Variants in GLYR1 observed in about 807,000 individuals in gnomAD.
The protein encoded by GLYR1 is cytokine-like nuclear factor N-PAC.
A neutral mutation model predicts 72.7 loss-of-function variants in GLYR1; 21 were observed. That is an observed-to-expected ratio of 0.29 (90% CI 0.20 to 0.42). The LOEUF is 0.42. GLYR1 is among the 10% of genes least tolerant of loss of function. The pLI is 1.00. For missense variants in GLYR1, 594 were observed against 712.1 expected (o/e 0.83, Z 1.89); for synonymous variants, 392 against 270.2 (o/e 1.45, Z -4.42).
At chr16:4,810,743 C>T (rs530399048) in intron 15 of GLYR1, among the ~76,000 whole-genome samples, 2 of 126,638 alleles carry the variant, frequency 1.6e-5, no homozygotes, top group South Asian at 5.1e-4. Context: ...ATTAGCCGGG[C>T]GTGGTGGCAA....
At chr16:4,814,026 A>C (rs1484833306) in intron 11 of GLYR1, 188 bp from the exon 12 acceptor site, 3 of 496,354 alleles carry the variant, frequency 6.0e-6, no homozygotes, top group Non-Finnish European at 1.1e-5. Context: ...ATTTATCTTT[A>C]AAAAGAATCT....
chr16:4,823,011 C>G, intron 6 of GLYR1, 80 bp from the exon 7 acceptor site: 1 of 1,151,442 alleles, frequency 8.7e-7, no homozygotes, highest in Non-Finnish European at 1.3e-6. Context: ...CTGGACTCTC[C>G]TCTGGCTGCA....
chr16:4,814,076 A>C (rs565638155), intron 11 of GLYR1: 5,550 of 393,782 alleles, frequency 0.014, 53 homozygotes, highest in African/African-American at 0.021. Flanking sequence ...AAAAAAAAAA[A>C]AAACAAACCC....
chr16:4,807,180 C>CAGA (rs1352166045), intron 15 of GLYR1, among the ~76,000 whole-genome samples: 1 of 147,448 alleles, frequency 6.8e-6, no homozygotes, highest in East Asian at 2.0e-4. Context: ...GGCACGATCT[C>CAGA]GGCTCACTGC....
chr16:4,819,553 C>G (rs2083879839), intron 9 of GLYR1, among the ~76,000 whole-genome samples: 1 of 152,140 alleles, frequency 6.6e-6, no homozygotes, highest in Admixed American at 6.5e-5. Context: ...TCAAGGGATC[C>G]TTCTGCTTTG....
At chr16:4,838,016 G>T (rs1277619700) in intron 3 of GLYR1, among the ~76,000 whole-genome samples, 1 of 152,204 alleles carries the variant, frequency 6.6e-6, no homozygotes, top group East Asian at 1.9e-4. Context: ...GATGGGGCCA[G>T]AAGGTGTGGG....
intron 10 of GLYR1, among the ~76,000 whole-genome samples, chr16:4,816,807 G>T (rs2083666851): frequency 6.6e-6 from 1 of 152,068 alleles, no homozygotes; most frequent in African/African-American, 2.4e-5. Context: ...CTAACATGGT[G>T]AAACCCCTTC....
rs568195261 is a variant in GLYR1, at chr16:4,818,565, GA to G, written c.807-869del. Among the ~76,000 whole-genome samples the G allele has an allele frequency of 3.5e-4, 54 of 152,254 alleles. 1 individual carries two copies. Among genetic ancestry groups the G allele is most frequent in the African/African-American group, 1.3e-3 (52 of 41,548 alleles). On this transcript the variant is annotated intron_variant, in intron 9 of 15. Coordinates refer to ENST00000321919, the MANE Select transcript of GLYR1 (RefSeq NM_032569.4). ...CCCAAAGTGCTGGGGTTGCAGGTGTGAACCACTGCACCCGGCTCTGGATACT... is the reference window on the plus strand; with the variant it reads ...CCCAAAGTGCTGGGGTTGCAGGTGTGACCACTGCACCCGGCTCTGGATACT...
chr16:4,814,701 C>G (rs948075479), intron 10 of GLYR1, 54 bp from the exon 11 acceptor site: 19 of 1,353,732 alleles, frequency 1.4e-5, no homozygotes, highest in Non-Finnish European at 1.9e-5. Context: ...AACAAACATG[C>G]CAGCCAGGCC....
At chr16:4,832,623 G>A in intron 4 of GLYR1, 151 bp downstream of exon 4, 1 of 961,376 alleles carries the variant, frequency 1.0e-6, no homozygotes, top group Non-Finnish European at 1.5e-6. Flanking sequence ...AAACTGATAA[G>A]CAAAACGCTG....
At chr16:4,819,484 A>G (rs1014822212) in intron 9 of GLYR1, among the ~76,000 whole-genome samples, 8 of 151,818 alleles carry the variant, frequency 5.3e-5, no homozygotes, top group Non-Finnish European at 1.2e-4. Context: ...AAGTTTTAAA[A>G]TTTTTTTGTA....
At chr16:4,808,430 C>T (rs1388605568) in intron 15 of GLYR1, among the ~76,000 whole-genome samples, 1 of 151,632 alleles carries the variant, frequency 6.6e-6, no homozygotes, top group Non-Finnish European at 1.5e-5. Context: ...AACCGTATCT[C>T]TACTAAAAAT....
rs757067147 is a variant in GLYR1, at chr16:4,832,241, AATG to A, written c.295-23_295-21del. ...TGACGTCTGAAAGTTTAATAATAAT[AATG>A]ATAACTACCACCACAGCTGCTGCCG... On this transcript the variant is annotated intron_variant, in intron 4 of 15. Coordinates refer to ENST00000321919, the MANE Select transcript of GLYR1 (RefSeq NM_032569.4). The A allele has an allele frequency of 1.2e-6, 2 of 1,612,784 alleles. No homozygotes were observed. The highest frequency in any genetic ancestry group is 2.2e-5 in the South Asian group (2 of 90,990).
At chr16:4,823,774 C>T in intron 6 of GLYR1, 47 bp downstream of exon 6, 2 of 1,416,042 alleles carry the variant, frequency 1.4e-6, no homozygotes, top group Admixed American at 1.8e-5. Flanking sequence ...CACACAGGAA[C>T]CTCGCCCTAA....
chr16:4,817,192 T>G (rs1596326717), intron 10 of GLYR1, among the ~76,000 whole-genome samples: 1 of 151,654 alleles, frequency 6.6e-6, no homozygotes, highest in Admixed American at 6.6e-5. Flanking sequence ...CGATCTCGGC[T>G]CACTGCAAGC....
chr16:4,824,710 G>C (rs1287833238), intron 5 of GLYR1, among the ~76,000 whole-genome samples: 1 of 152,098 alleles, frequency 6.6e-6, no homozygotes, highest in Non-Finnish European at 1.5e-5. Flanking sequence ...GGTGAGATGA[G>C]AAGCTCCTCT....
At chr16:4,818,383 C>T (rs980058732) in intron 9 of GLYR1, among the ~76,000 whole-genome samples, 4 of 152,168 alleles carry the variant, frequency 2.6e-5, no homozygotes, top group Non-Finnish European at 5.9e-5. Flanking sequence ...CAGCCTCGAC[C>T]TCCTGGGCTC....
chr16:4,823,255 G>C (rs937401364), intron 6 of GLYR1, among the ~76,000 whole-genome samples: 2 of 152,218 alleles, frequency 1.3e-5, no homozygotes, highest in Non-Finnish European at 2.9e-5. Flanking sequence ...AGGCACAGCA[G>C]ATAACCCAGC....
intron 3 of GLYR1, chr16:4,843,575 T>C (rs1250043282): frequency 1.6e-6 from 2 of 1,289,032 alleles, no homozygotes; most frequent in African/African-American, 3.0e-5. Flanking sequence ...TAAGCTGGCT[T>C]GTGATAGAGA....
Sources: gnomAD v4.1 joint callset for allele counts (sites outside exome capture counted in the v4.1 genomes callset) on GRCh38, gnomAD v4.1.1 for gene constraint, MANE v1.5 for transcripts, NCBI Gene and HGNC (gene_info 2026-07-23, HGNC 2026-07-21) for gene names.